The following CAPN9 variants were observed in gnomAD, a reference collection of about 807,000 sequenced individuals.
CAPN9 encodes calpain 9.
Under a neutral mutation model 92.8 loss-of-function variants are expected in CAPN9, and 81 were observed. The ratio of observed to expected loss-of-function variants is 0.87; its 90% CI spans 0.73 to 1.05. The LOEUF is 1.05. CAPN9 is among the 50% of genes least tolerant of loss of function. The probability of loss-of-function intolerance (pLI) is 0.00; values close to 1 mark genes in which losing one functional copy is unlikely to be tolerated. For missense variants in CAPN9, 848 were observed against 866.2 expected (o/e 0.98, Z 0.26); for synonymous variants, 304 against 328.0 (o/e 0.93, Z 0.79).
intron 1 of CAPN9, among the ~76,000 whole-genome samples, chr1:230,751,541 G>GA (rs72171772): frequency 7.4e-6 from 1 of 135,908 alleles, no homozygotes; most frequent in Non-Finnish European, 1.6e-5. Context: ...AAGAAAGATA[G>GA]AAAAAAAGAA....
chr1:230,789,589 T>A (rs147250979), intron 13 of CAPN9, among the ~76,000 whole-genome samples: 1,520 of 150,602 alleles, frequency 0.01, 15 homozygotes, highest in Non-Finnish European at 0.016. Context: ...GTGCCTTAGA[T>A]CCATGATTCT....
At chr1:230,786,385 A>G (rs774062410) in intron 12 of CAPN9, among the ~76,000 whole-genome samples, 7 of 152,216 alleles carry the variant, frequency 4.6e-5, no homozygotes, top group Non-Finnish European at 8.8e-5. Flanking sequence ...CTATGCACCT[A>G]TTTGGGGAGG....
chr1:230,755,026 C>T (rs913646115), intron 1 of CAPN9, among the ~76,000 whole-genome samples: 1 of 152,188 alleles, frequency 6.6e-6, no homozygotes. Flanking sequence ...GCACAGGAAT[C>T]CTCAGTGTGT....
intron 1 of CAPN9, among the ~76,000 whole-genome samples, chr1:230,752,356 C>T (rs1447958131): frequency 6.6e-6 from 1 of 152,220 alleles, no homozygotes; most frequent in African/African-American, 2.4e-5. Context: ...AGGAGTCGGT[C>T]ACACATCCAG....
chr1:230,769,634 T>C (rs968948276), intron 6 of CAPN9, among the ~76,000 whole-genome samples: 8 of 77,662 alleles, frequency 1.0e-4, no homozygotes, highest in Non-Finnish European at 2.0e-4. Flanking sequence ...TCTATCTATC[T>C]ATCTATCTAT....
At chr1:230,783,731 G>A (rs949328384) in intron 11 of CAPN9, among the ~76,000 whole-genome samples, 1 of 152,226 alleles carries the variant, frequency 6.6e-6, no homozygotes, top group Admixed American at 6.5e-5. Context: ...GTACAGAAGA[G>A]TGGGGCATTG....
intron 9 of CAPN9, 59 bp from the exon 10 acceptor site, chr1:230,780,120 G>C: frequency 7.9e-6 from 7 of 883,584 alleles, no homozygotes; most frequent in Non-Finnish European, 1.1e-5. Context: ...GTGTGTGTGT[G>C]TGGTCTTTGT....
intron 11 of CAPN9, among the ~76,000 whole-genome samples, chr1:230,785,136 C>T (rs1487190285): frequency 6.6e-6 from 1 of 152,224 alleles, no homozygotes; most frequent in Admixed American, 6.5e-5. Context: ...AATGCCTATA[C>T]TCCCATTGTA....
chr1:230,790,100 G>T lies in CAPN9; in HGVS notation c.1600-32G>T, dbSNP rs753765110. On this transcript the variant is annotated intron_variant, in intron 13 of 19. Transcript: ENST00000271971. Reference sequence around the variant, plus strand: ...TAAACTATAAAAGAAGGTGCCAAGGGCTATAACAAACAATTGTCTCCACTT... The same window carrying T: ...TAAACTATAAAAGAAGGTGCCAAGGTCTATAACAAACAATTGTCTCCACTT... The T allele has an allele frequency of 9.6e-6, 15 of 1,558,934 alleles. 1 individual carries two copies. Among genetic ancestry groups the T allele is most frequent in the Non-Finnish European group, 1.2e-5 (13 of 1,129,642 alleles).
At chr1:230,762,835 A>T in intron 4 of CAPN9, 49 bp downstream of exon 4, 2 of 1,586,874 alleles carry the variant, frequency 1.3e-6, no homozygotes, top group South Asian at 1.1e-5. Flanking sequence ...AGGAGTCTCT[A>T]CACTAGTCTT....
chr1:230,778,889 A>C, intron 8 of CAPN9, 84 bp from the exon 9 acceptor site: 1 of 1,217,626 alleles, frequency 8.2e-7, no homozygotes, highest in Non-Finnish European at 1.2e-6. Flanking sequence ...TTTAATGAAT[A>C]AGTGAATGAT....
chr1:230,771,894 A>C, intron 6 of CAPN9, 120 bp from the exon 7 acceptor site: 6 of 781,668 alleles, frequency 7.7e-6, no homozygotes, highest in Non-Finnish European at 1.1e-5. Context: ...ATTTTAGGCA[A>C]GAGACTTTCA....
intron 1 of CAPN9, among the ~76,000 whole-genome samples, chr1:230,749,633 G>A (rs1006687759): frequency 3.3e-5 from 5 of 152,198 alleles, no homozygotes; most frequent in African/African-American, 1.2e-4. Flanking sequence ...TTGATCCAGG[G>A]TTTCATACAG....
chr1:230,757,719 CA>C (rs35948414), intron 2 of CAPN9, among the ~76,000 whole-genome samples: 4,430 of 104,222 alleles, frequency 0.043, 89 homozygotes, highest in African/African-American at 0.072. Flanking sequence ...ACATCTCTAT[CA>C]AAAAAAAAAA....
intron 19 of CAPN9, among the ~76,000 whole-genome samples, chr1:230,800,232 AAG>A (rs1312070571): frequency 1.0e-4 from 1 of 9,532 alleles, no homozygotes; most frequent in African/African-American, 3.7e-4. Context: ...AGAAAGAAAG[AAG>A]AAAGAAAGAA....
intron 1 of CAPN9, among the ~76,000 whole-genome samples, chr1:230,749,339 T>C (rs17731204): frequency 0.2 from 30,477 of 152,158 alleles, 3,813 homozygotes; most frequent in Non-Finnish European, 0.29. Context: ...AAAAAGGACA[T>C]TTCCAAACTA....
intron 11 of CAPN9, among the ~76,000 whole-genome samples, chr1:230,784,161 C>T (rs11804774): frequency 6.6e-6 from 1 of 152,018 alleles, no homozygotes; most frequent in Non-Finnish European, 1.5e-5. Context: ...AAAGATATGA[C>T]TTAAAGCTGG....
chr1:230,749,161 A>G (rs61828377), intron 1 of CAPN9, among the ~76,000 whole-genome samples: 30,352 of 152,218 alleles, frequency 0.2, 3,323 homozygotes, highest in Non-Finnish European at 0.26. Flanking sequence ...CAGTGGCCCT[A>G]TCGGAGTTGG....
intron 18 of CAPN9, 149 bp downstream of exon 18, chr1:230,795,428 C>T (rs762469906): frequency 8.5e-6 from 5 of 588,194 alleles, no homozygotes; most frequent in Non-Finnish European, 1.5e-5. Context: ...TGGGCCTGTG[C>T]GGTTAGCTAA....
Sources: allele counts gnomAD v4.1 joint callset (sites outside exome capture counted in the v4.1 genomes callset), GRCh38; gene constraint gnomAD v4.1.1; transcripts MANE v1.5; gene names NCBI Gene and HGNC (gene_info 2026-07-23, HGNC 2026-07-21).